CREB5: variants seen among roughly 807,000 people sequenced by gnomAD.
The protein encoded by CREB5 is cAMP responsive element binding protein 5.
Under a neutral mutation model 57.1 loss-of-function variants are expected in CREB5, and 19 were observed. That is an observed-to-expected ratio of 0.33 (90% confidence interval 0.23 to 0.49). The LOEUF (loss-of-function observed/expected upper bound fraction) is 0.49. Among genes scored for constraint, CREB5 ranks in the 20% least tolerant of loss-of-function variants. CREB5 has a pLI of 0.99. For missense variants in CREB5, 579 were observed against 671.6 expected (o/e 0.86, Z 1.52); for synonymous variants, 238 against 238.3 (o/e 1.00, Z 0.01).
At position 28,809,408 on chromosome 7, in the gene CREB5, G is replaced by T. The variant is rs1808962725; in HGVS notation, c.1248G>T (p.Gln416His). 1 of 1,610,302 alleles carries T rather than the reference G, an allele frequency of 6.2e-7. No homozygotes were observed. Among genetic ancestry groups the T allele is most frequent in the Non-Finnish European group, 8.5e-7 (1 of 1,178,120 alleles). The change falls in exon 9 of 11, where the codon CAG (glutamine) becomes CAT (histidine). Residue 416 changes from glutamine to histidine, a missense_variant. Physicochemically the swap from Gln to His is conservative, Grantham distance 24. Transcript: ENST00000357727. ...AAGAACTCACCCAGACAAACATGCA[G>T]CTTCAGGTGCAGCCCACGGTGTCTT... ...KAEELTQTNM[Q>H]LQNEVSMLKN...
chr7:28,685,332 A>G (rs1800818343), intron 5 of CREB5, among the ~76,000 whole-genome samples: 1 of 152,168 alleles, frequency 6.6e-6, no homozygotes, highest in Admixed American at 6.5e-5. Context: ...CCAAGGGAGA[A>G]GTGACTGTGA....
chr7:28,798,384 G>GTGGGTGGGTA (rs1336279905), intron 7 of CREB5, among the ~76,000 whole-genome samples: 1 of 152,124 alleles, frequency 6.6e-6, no homozygotes, highest in African/African-American at 2.4e-5. Flanking sequence ...GTGGGTGGGT[G>GTGGGTGGGTA]TGCTGCGTGT....
chr7:28,321,986 A>G (rs1785502608), intron 1 of CREB5, among the ~76,000 whole-genome samples: 1 of 152,196 alleles, frequency 6.6e-6, no homozygotes, highest in African/African-American at 2.4e-5. Flanking sequence ...ATTGGATTTT[A>G]TTATCAGTTT....
At chr7:28,383,574 C>A (rs1409924911) in intron 1 of CREB5, among the ~76,000 whole-genome samples, 1 of 152,112 alleles carries the variant, frequency 6.6e-6, no homozygotes, top group African/African-American at 2.4e-5. Flanking sequence ...TCTCACATGG[C>A]AGGAAAGCAG....
chr7:28,663,998 A>G (rs918047075), intron 5 of CREB5, among the ~76,000 whole-genome samples: 11 of 152,332 alleles, frequency 7.2e-5, no homozygotes, highest in Middle Eastern at 6.8e-3. Flanking sequence ...CTGGAAAACC[A>G]TACAGATTCC....
rs116281962 is a variant in CREB5 at position 28,363,477 on chromosome 7, G to A, written c.-25+64036G>A. Among the ~76,000 whole-genome samples the A allele has an allele frequency of 1.9e-3, 292 of 151,618 alleles. 3 individuals are homozygous for A. The highest frequency in any genetic ancestry group is 6.8e-3 in the African/African-American group (281 of 41,316). On this transcript the variant is annotated intron_variant, in intron 1 of 9. Coordinates refer to the CREB5 transcript ENST00000396299. ...CCTGCTGCCTTCTTGTCCATTCTTC[G>A]AAGACCATCTCAAGCAGCCTCTCTT...
chr7:28,471,600 C>T lies in CREB5; in HGVS notation c.4-16575C>T, dbSNP rs759673949. On this transcript the variant is annotated intron_variant, in intron 1 of 10. Coordinates refer to ENST00000357727, the MANE Select transcript of CREB5 (RefSeq NM_182898.4). Reference sequence around the variant, plus strand: ...ATGCTGCATTTAATCTTTATCACAACGCTGTGTGAAAAAGAATTGTTTTGT... The same window carrying T: ...ATGCTGCATTTAATCTTTATCACAATGCTGTGTGAAAAAGAATTGTTTTGT... 4.7e-4 allele frequency among the ~76,000 whole-genome samples: 72 copies of T among 152,080 alleles called. 1 individual carries two copies. The highest frequency in any genetic ancestry group is 1.9e-4 in the East Asian group (1 of 5,190).
intron 4 of CREB5, among the ~76,000 whole-genome samples, chr7:28,563,219 G>A (rs1285950066): frequency 1.3e-5 from 2 of 152,126 alleles, no homozygotes; most frequent in African/African-American, 4.8e-5. Context: ...TGTACATTTT[G>A]TCTCTGAGCC....
At chr7:28,608,741 T>A (rs767837921) in intron 5 of CREB5, among the ~76,000 whole-genome samples, 1 of 152,230 alleles carries the variant, frequency 6.6e-6, no homozygotes, top group Non-Finnish European at 1.5e-5. Flanking sequence ...TCCTCAGACA[T>A]GGCCAACTTG....
intron 5 of CREB5, among the ~76,000 whole-genome samples, chr7:28,619,791 A>C (rs1235366106): frequency 6.6e-6 from 1 of 152,226 alleles, no homozygotes; most frequent in Non-Finnish European, 1.5e-5. Context: ...TCTTGTGGGG[A>C]GCAGAGGCTC....
At chr7:28,420,937 G>C (rs1788223183) in intron 1 of CREB5, among the ~76,000 whole-genome samples, 2 of 152,144 alleles carry the variant, frequency 1.3e-5, no homozygotes, top group South Asian at 4.1e-4. Context: ...AGAGTGTACA[G>C]ACCATTTGTT....
intron 1 of CREB5, among the ~76,000 whole-genome samples, chr7:28,461,222 T>A (rs1790339683): frequency 8.3e-6 from 1 of 120,496 alleles, no homozygotes; most frequent in Admixed American, 8.3e-5. Context: ...AGAGTGAGAC[T>A]CTGCCTCTGA....
At chr7:28,609,743 G>T (rs1384009058) in intron 5 of CREB5, among the ~76,000 whole-genome samples, 1 of 152,218 alleles carries the variant, frequency 6.6e-6, no homozygotes, top group Non-Finnish European at 1.5e-5. Context: ...AGCTGCAAAG[G>T]TCGTGTACTT....
At chr7:28,548,396 T>G (rs1434290481) in intron 4 of CREB5, among the ~76,000 whole-genome samples, 2 of 152,204 alleles carry the variant, frequency 1.3e-5, no homozygotes, top group East Asian at 3.8e-4. Flanking sequence ...TTGAAATGTC[T>G]TCTAAAATGT....
chr7:28,491,315 A>C, intron 2 of CREB5: 1 of 933,240 alleles, frequency 1.1e-6, no homozygotes, highest in Non-Finnish European at 1.3e-6. Flanking sequence ...GGGTGTAGAC[A>C]AACCTGGGGA....
chr7:28,349,222 G>A (rs1273368798), intron 1 of CREB5, among the ~76,000 whole-genome samples: 1 of 152,182 alleles, frequency 6.6e-6, no homozygotes, highest in African/African-American at 2.4e-5. Flanking sequence ...TTTTCGGAAA[G>A]TAGTTATAAC....
At chr7:28,362,940 A>C (rs1343773485) in intron 1 of CREB5, among the ~76,000 whole-genome samples, 1 of 152,198 alleles carries the variant, frequency 6.6e-6, no homozygotes, top group East Asian at 1.9e-4. Context: ...ATGTGTGCAC[A>C]GGGTTTTAAA....
intron 1 of CREB5, among the ~76,000 whole-genome samples, chr7:28,365,108 C>G (rs1401244201): frequency 6.6e-6 from 1 of 152,320 alleles, no homozygotes; most frequent in Middle Eastern, 3.4e-3. Context: ...CTTGACCAAA[C>G]CACGAATTGC....
chr7:28,519,143 A>G (rs962692193), intron 4 of CREB5, among the ~76,000 whole-genome samples: 3 of 152,204 alleles, frequency 2.0e-5, no homozygotes, highest in Non-Finnish European at 2.9e-5. Context: ...CACCGTTGTG[A>G]CATTGCTGCC....
Sources: allele counts gnomAD v4.1 joint callset (sites outside exome capture counted in the v4.1 genomes callset), GRCh38; gene constraint gnomAD v4.1.1; transcripts MANE v1.5; gene names NCBI Gene and HGNC (gene_info 2026-07-23, HGNC 2026-07-21).